ARMC9: variants seen among roughly 807,000 people sequenced by gnomAD.
ARMC9 encodes the protein lisH domain-containing protein ARMC9.
In ARMC9, 94 loss-of-function variants were observed where a neutral mutation model predicts 107.0. The observed-to-expected ratio is 0.88, with a 90% confidence interval of 0.74 to 1.04. The LOEUF is 1.04. Ranked by LOEUF, ARMC9 falls within the 50% of genes least tolerant of loss-of-function variation. The pLI is 0.00. For synonymous variants in ARMC9, 380 were observed against 396.9 expected (o/e 0.96, Z 0.51); for missense variants, 942 against 1,030.1 (o/e 0.91, Z 1.17).
chr2:231,209,832 G>T (rs1054265244), intron 3 of ARMC9, among the ~76,000 whole-genome samples: 15 of 151,998 alleles, frequency 9.9e-5, no homozygotes, highest in Admixed American at 2.0e-4. Flanking sequence ...ACCACACCTG[G>T]TCTATTTTAT....
Position 231,234,880 on chromosome 2 carries a change from A to G in ARMC9, c.623-344A>G, listed in dbSNP as rs895066262. On this transcript the variant is annotated intron_variant, in intron 7 of 24. Coordinates refer to ENST00000611582, the MANE Select transcript of ARMC9 (RefSeq NM_001352754.2). ...CTCGGCCTCCCAAAGTGTTGGGATT[A>G]CAGGCGTGAGCCACCACCAGCCCTA... Among the ~76,000 whole-genome samples, 5 of 152,268 alleles carry G rather than the reference A, an allele frequency of 3.3e-5. No homozygotes were observed. In the East Asian group the frequency reaches 5.8e-4, roughly 18 times the overall value.
At chr2:231,337,160 C>A (rs2044151050) in intron 20 of ARMC9, among the ~76,000 whole-genome samples, 2 of 151,614 alleles carry the variant, frequency 1.3e-5, no homozygotes, top group African/African-American at 4.8e-5. Flanking sequence ...ATTTCCTAAT[C>A]CCTTTTCAGT....
chr2:231,366,219 CT>C (rs962874190), intron 23 of ARMC9, among the ~76,000 whole-genome samples: 3 of 152,044 alleles, frequency 2.0e-5, no homozygotes, highest in African/African-American at 7.2e-5. Context: ...GAATATCAGT[CT>C]TTTTCTATTA....
At chr2:231,275,716 G>T (rs1441600383) in intron 14 of ARMC9, among the ~76,000 whole-genome samples, 1 of 152,234 alleles carries the variant, frequency 6.6e-6, no homozygotes, top group East Asian at 1.9e-4. Flanking sequence ...CACTTTGGAA[G>T]GTTGAGGCAG....
At chr2:231,343,902 G>GAAAAAAAAAAAA (rs570333260) in intron 20 of ARMC9, among the ~76,000 whole-genome samples, 1 of 137,176 alleles carries the variant, frequency 7.3e-6, no homozygotes. Flanking sequence ...TCGTCTCGAG[G>GAAAAAAAAAAAA]AAAAAAAAAA....
rs1407307596 is a variant in ARMC9 at position 231,297,018 on chromosome 2, C to T, written c.1773+765C>T. Reference sequence around the variant, plus strand: ...GAGCATTCACTGAAAAAGTGGATGTCAGAGGATGTTTTTTTGTTTGGAGTC... The same window carrying T: ...GAGCATTCACTGAAAAAGTGGATGTTAGAGGATGTTTTTTTGTTTGGAGTC... On this transcript the variant is annotated intron_variant, in intron 19 of 24. Transcript: ENST00000611582. This position sits in a 1 kb window ranked among gnomAD's most constrained non-coding sequence, Gnocchi z 4.2. Among the ~76,000 whole-genome samples the T allele has an allele frequency of 6.6e-6, 1 of 152,142 alleles. No homozygotes were observed. Among genetic ancestry groups the T allele is most frequent in the Non-Finnish European group, 1.5e-5 (1 of 68,022 alleles).
intron 15 of ARMC9, 58 bp downstream of exon 15, chr2:231,276,833 G>A: frequency 1.2e-5 from 19 of 1,592,672 alleles, no homozygotes; most frequent in Non-Finnish European, 1.6e-5. Flanking sequence ...GACTCTTGAA[G>A]CTGGGTTTCT....
intron 17 of ARMC9, 108 bp from the exon 18 acceptor site, chr2:231,291,245 T>A: frequency 1.2e-6 from 1 of 834,854 alleles, no homozygotes; most frequent in Non-Finnish European, 2.0e-6. Flanking sequence ...GGTATCCTCT[T>A]CCTCTCCCCA....
chr2:231,208,669 G>A (rs758208809), intron 3 of ARMC9, among the ~76,000 whole-genome samples: 3 of 152,186 alleles, frequency 2.0e-5, no homozygotes, highest in Non-Finnish European at 4.4e-5. Context: ...GAGTGAGACT[G>A]ACAAGGCGGG....
chr2:231,257,622 C>T, intron 10 of ARMC9, among the ~76,000 whole-genome samples: 1 of 152,154 alleles, frequency 6.6e-6, no homozygotes. Flanking sequence ...ACCCCTGCTA[C>T]CCTCCCTGTG....
chr2:231,303,469 C>A (rs763422394), intron 19 of ARMC9, among the ~76,000 whole-genome samples: 3 of 152,206 alleles, frequency 2.0e-5, no homozygotes, highest in Non-Finnish European at 4.4e-5. Context: ...CCTTCTCCAT[C>A]TAGTACAGCG....
rs529671665 is a variant in ARMC9, at chr2:231,248,100, A to G, written c.879+8059A>G. 7.9e-5 allele frequency among the ~76,000 whole-genome samples: 12 copies of G among 152,268 alleles called. No homozygotes were observed. The East Asian group carries it at 2.3e-3, about 29-fold the overall frequency. ...ATCGGGCTCAACTTTTCCTCCACAC[A>G]GGTGGTCTCCCCTCCTGAATTTCCT... On this transcript the variant is annotated intron_variant, in intron 9 of 24. Coordinates refer to ENST00000611582, the MANE Select transcript of ARMC9 (RefSeq NM_001352754.2).
At chr2:231,242,011 C>A (rs1343389405) in intron 9 of ARMC9, among the ~76,000 whole-genome samples, 6 of 152,188 alleles carry the variant, frequency 3.9e-5, no homozygotes, top group Admixed American at 1.3e-4. Context: ...AGGCTAGGAA[C>A]CATGACAATA....
intron 3 of ARMC9, 56 bp from the exon 4 acceptor site, chr2:231,214,775 G>T: frequency 6.4e-7 from 1 of 1,569,478 alleles, no homozygotes; most frequent in Non-Finnish European, 8.7e-7. Context: ...TGGGTTGTGA[G>T]AATTTTGGGT....
intron 9 of ARMC9, among the ~76,000 whole-genome samples, chr2:231,247,200 C>G (rs1359670608): frequency 6.6e-6 from 1 of 152,216 alleles, no homozygotes; most frequent in Non-Finnish European, 1.5e-5. Context: ...CGTGATCCAC[C>G]TGCCTCGGCC....
At chr2:231,322,161 C>T (rs139869515) in intron 19 of ARMC9, among the ~76,000 whole-genome samples, 42 of 152,354 alleles carry the variant, frequency 2.8e-4, no homozygotes, top group African/African-American at 9.4e-4. Flanking sequence ...GACTTCTCCG[C>T]GTCGCGGGGA....
At chr2:231,323,650 C>T (rs764592780) in intron 19 of ARMC9, among the ~76,000 whole-genome samples, 16 of 152,154 alleles carry the variant, frequency 1.1e-4, no homozygotes, top group Non-Finnish European at 2.1e-4. Context: ...AGTATCATGG[C>T]GTTCCAAAAG....
At chr2:231,214,764 G>GAAT (rs1417418095) in intron 3 of ARMC9, 67 bp from the exon 4 acceptor site, 55 of 1,509,274 alleles carry the variant, frequency 3.6e-5, no homozygotes, top group Non-Finnish European at 3.8e-5. Flanking sequence ...GTGGTGTTGA[G>GAAT]TGGGTTGTGA....
intron 23 of ARMC9, among the ~76,000 whole-genome samples, chr2:231,365,009 G>C (rs2045754000): frequency 6.6e-6 from 1 of 152,190 alleles, no homozygotes; most frequent in South Asian, 2.1e-4. Context: ...ACGGCTGTTG[G>C]TAAGTGTCAG....
Sources: allele counts gnomAD v4.1 joint callset (sites outside exome capture counted in the v4.1 genomes callset), GRCh38; gene constraint gnomAD v4.1.1; non-coding constraint Gnocchi (gnomAD v3.1); transcripts MANE v1.5; gene names NCBI Gene and HGNC (gene_info 2026-07-23, HGNC 2026-07-21).